Variants in WDR19 observed in about 807,000 individuals in gnomAD.
The protein encoded by WDR19 is WD repeat domain 19, also known as WD repeat-containing protein 19.
In WDR19, 121 loss-of-function variants were observed where a neutral mutation model predicts 180.0. The ratio of observed to expected loss-of-function variants is 0.67; its 90% CI spans 0.58 to 0.78. The LOEUF is 0.78. Among genes scored for constraint, WDR19 ranks in the 30% least tolerant of loss-of-function variants. WDR19 has a pLI of 0.00. For missense variants in WDR19, 1,450 were observed against 1,640.7 expected, an observed-to-expected ratio of 0.88 and a Z score of 2.01; for synonymous variants, 497 against 540.7, an observed-to-expected ratio of 0.92 and a Z score of 1.12.
chr4:39,241,795 C>CAAAAAA (rs539065242), intron 21 of WDR19, among the ~76,000 whole-genome samples: 1 of 125,926 alleles, frequency 7.9e-6, no homozygotes, highest in Non-Finnish European at 1.7e-5. Flanking sequence ...AACTCTGTCT[C>CAAAAAA]AAAAAAAAAA....
In WDR19 at chr4:39,216,937, C is replaced by T. The variant is rs776404709; in HGVS notation, c.1250-197C>T. 2.0e-5 allele frequency among the ~76,000 whole-genome samples: 3 copies of T among 152,018 alleles called. No individual in the cohort carries two copies. The highest frequency in any genetic ancestry group is 4.4e-5 in the Non-Finnish European group (3 of 68,016). ...TAAACCATAATGGAATGCCTGAAGG[C>T]AAATTTATATGGCAACTAAGATTAA... On this transcript the variant is annotated intron_variant, in intron 12 of 36. Transcript: ENST00000399820.
At chr4:39,258,592 G>A (rs1033749299) in intron 28 of WDR19, among the ~76,000 whole-genome samples, 2 of 152,152 alleles carry the variant, frequency 1.3e-5, no homozygotes, top group East Asian at 1.9e-4. Flanking sequence ...CACTAAAGCT[G>A]TTCATGTCTT....
At chr4:39,270,355 G>T (rs1471827729) in intron 31 of WDR19, among the ~76,000 whole-genome samples, 1 of 152,090 alleles carries the variant, frequency 6.6e-6, no homozygotes, top group Middle Eastern at 3.2e-3. Context: ...TTCATCATGT[G>T]CATCTTATTA....
chr4:39,246,736 C>T (rs1363404305), intron 24 of WDR19, among the ~76,000 whole-genome samples: 1 of 152,208 alleles, frequency 6.6e-6, no homozygotes, highest in Non-Finnish European at 1.5e-5. Context: ...GGTCCTACAC[C>T]CACGGAGCCT....
intron 9 of WDR19, among the ~76,000 whole-genome samples, chr4:39,211,152 C>G (rs1450169930): frequency 4.6e-5 from 7 of 152,000 alleles, no homozygotes. Context: ...GATCGTGCCA[C>G]TGCACCCCAG....
At position 39,274,944 on chromosome 4, in the gene WDR19, C is replaced by T. The variant is rs1306554397; in HGVS notation, c.3702C>T (p.Ile1234=). Residue 1234 remains isoleucine (I), a synonymous_variant, in exon 33 of 37, where the codon ATC becomes ATT. Transcript: ENST00000399820. ...TAGATGCCAAATACAAAAAGAAGAT[C>T]GAGGGAATGGTCAGGTAGGCAGAGA... ...SKIDAKYKKK[I]EGMVRRPDIS... is the part of the protein sequence containing the mutation. 13 of 1,613,928 alleles carry T rather than the reference C, an allele frequency of 8.1e-6. No homozygotes were observed. The highest frequency in any genetic ancestry group is 3.3e-5 in the Admixed American group (2 of 60,022).
At chr4:39,262,403 C>A (rs572664572) in intron 28 of WDR19, among the ~76,000 whole-genome samples, 1 of 152,082 alleles carries the variant, frequency 6.6e-6, no homozygotes, top group Admixed American at 6.6e-5. Flanking sequence ...CCACCGCACC[C>A]GGCCAATTTT....
chr4:39,220,558 TG>T (rs1729562328), intron 14 of WDR19, among the ~76,000 whole-genome samples: 3 of 108,750 alleles, frequency 2.8e-5, no homozygotes, highest in African/African-American at 1.0e-4. Flanking sequence ...CAGACCTCCT[TG>T]ATTTTTTTTT....
intron 17 of WDR19, among the ~76,000 whole-genome samples, chr4:39,231,047 C>G (rs1437330760): frequency 1.3e-5 from 2 of 151,738 alleles, no homozygotes; most frequent in Non-Finnish European, 2.9e-5. Flanking sequence ...GACGGTGGCT[C>G]ACACCTGTAA....
intron 12 of WDR19, 47 bp downstream of exon 12, chr4:39,216,257 GTTC>G (rs1195221795): frequency 6.9e-7 from 1 of 1,452,440 alleles, no homozygotes; most frequent in Non-Finnish European, 9.2e-7. Context: ...CATAATTTCT[GTTC>G]TTATTTGGGA....
At chr4:39,282,542 C>T (rs774212264) in intron 36 of WDR19, among the ~76,000 whole-genome samples, 19 of 152,126 alleles carry the variant, frequency 1.2e-4, no homozygotes, top group East Asian at 3.9e-4. Flanking sequence ...AGATTACAGG[C>T]GCCCGCCACC....
At position 39,244,539 on chromosome 4, in the gene WDR19, C is replaced by G. The variant is rs770091572; in HGVS notation, c.2632C>G (p.Arg878Gly). ...CGATAAAGCAGCATCTGTTTACATC[C>G]GCTCTAAGAATTGGTAAGAGCTGCC... Reference protein sequence around the residue: ...YYDKAASVYIRSKNWAKVGDL... With the variant: ...YYDKAASVYIGSKNWAKVGDL... The change falls in exon 23 of 37, where the codon CGC (arginine) becomes GGC (glycine). Residue 878 changes from arginine (R) to glycine (G), a missense_variant. Transcript: ENST00000399820. 1 of 1,613,966 alleles carries G rather than the reference C, an allele frequency of 6.2e-7. No individual in the cohort carries two copies. Among genetic ancestry groups the G allele is most frequent in the South Asian group, 1.1e-5 (1 of 91,074 alleles).
At chr4:39,205,110 G>A (rs760702815) in intron 7 of WDR19, 44 bp from the exon 8 acceptor site, 15 of 1,395,400 alleles carry the variant, frequency 1.1e-5, no homozygotes, top group Non-Finnish European at 1.4e-5. Context: ...TTTTCATGAA[G>A]TACTAAGTAA....
chr4:39,223,546 T>C (rs6531697), intron 14 of WDR19, among the ~76,000 whole-genome samples: 133,455 of 151,902 alleles, frequency 0.88, 58,667 homozygotes, highest in Admixed American at 0.91. Context: ...TTAGTAGAGA[T>C]GGGGTCAGGC....
chr4:39,245,364 T>C lies in WDR19; in HGVS notation c.2646-5T>C, dbSNP rs771971475. ...CATACTGTTCTCCTGGACCTACCTTTCCAGGGCAAAAGTTGGTGATCTTCT... is the reference window on the plus strand; with the variant it reads ...CATACTGTTCTCCTGGACCTACCTTCCCAGGGCAAAAGTTGGTGATCTTCT... On this transcript the variant is annotated splice_polypyrimidine_tract_variant and splice_region_variant and intron_variant, in intron 23 of 36. Coordinates refer to ENST00000399820, the MANE Select transcript of WDR19 (RefSeq NM_025132.4). The C allele has an allele frequency of 3.7e-6, 6 of 1,612,560 alleles. No homozygotes were observed. The highest frequency in any genetic ancestry group is 1.7e-5 in the Admixed American group (1 of 59,832).
At chr4:39,284,527 T>TG (rs35235670) in intron 36 of WDR19, among the ~76,000 whole-genome samples, 73,284 of 147,200 alleles carry the variant, frequency 0.5, 19,618 homozygotes, top group African/African-American at 0.7. Flanking sequence ...TTTTTAGACA[T>TG]GGGGTCTCAC....
Position 39,199,577 on chromosome 4 carries a change from G to A in WDR19, c.506G>A (p.Gly169Asp). 1.9e-6 allele frequency: 3 copies of A among 1,613,134 alleles called. No individual in the cohort carries two copies. The highest frequency in any genetic ancestry group is 1.1e-5 in the South Asian group (1 of 91,044). ...DKMITVSNQE[G>D]DTIRQTQVRS... is the part of the protein sequence containing the mutation. ...ATGATTACAGTTAGTAATCAGGAAG[G>A]TGACACGATAAGACAGGTAATACAG... Residue 169 changes from glycine to aspartate, a missense_variant, in exon 6 of 37, where the codon GGT (glycine) becomes GAT (aspartate). Transcript: ENST00000399820.
At chr4:39,209,871 A>AAT (rs892713802) in intron 9 of WDR19, among the ~76,000 whole-genome samples, 2 of 152,212 alleles carry the variant, frequency 1.3e-5, no homozygotes, top group African/African-American at 4.8e-5. Context: ...CCATTATGAG[A>AAT]ATAATAAAGG....
intron 13 of WDR19, 50 bp downstream of exon 13, chr4:39,217,290 C>T (rs1434615563): frequency 7.3e-7 from 1 of 1,366,504 alleles, no homozygotes; most frequent in African/African-American, 1.4e-5. Flanking sequence ...TAATGAACAG[C>T]CTAATGTCTG....
Sources: allele counts gnomAD v4.1 joint callset (sites outside exome capture counted in the v4.1 genomes callset), GRCh38; gene constraint gnomAD v4.1.1; transcripts MANE v1.5; gene names NCBI Gene and HGNC (gene_info 2026-07-23, HGNC 2026-07-21).